Variants in LPXN observed in about 807,000 individuals in gnomAD.
LPXN encodes the protein leupaxin.
Under a neutral mutation model 45.6 loss-of-function variants are expected in LPXN, and 28 were observed. That is an observed-to-expected ratio of 0.61 (90% CI 0.45 to 0.84). LPXN has a LOEUF of 0.84. LPXN is among the 40% of genes least tolerant of loss of function. LPXN has a pLI of 0.00. For missense variants in LPXN, 459 were observed against 475.0 expected (o/e 0.97, Z 0.31); for synonymous variants, 166 against 169.9 (o/e 0.98, Z 0.18).
intron 3 of LPXN, among the ~76,000 whole-genome samples, chr11:58,561,185 TTCTG>T (rs1409007047): frequency 2.6e-5 from 4 of 152,194 alleles, no homozygotes; most frequent in African/African-American, 4.8e-5. Flanking sequence ...AAAGTAAATG[TTCTG>T]TCTTTCACTT....
chr11:58,527,138 C>A lies in LPXN; in HGVS notation c.*316G>T. The A allele has an allele frequency of 8.3e-6, 2 of 240,040 alleles. No individual in the cohort carries two copies. The highest frequency in any genetic ancestry group is 1.7e-5 in the Non-Finnish European group (2 of 120,974). The allele number at this position is 240,040 out of a possible 1,614,324, so 14.9% of individuals were successfully genotyped here. On this transcript the variant is annotated 3_prime_UTR_variant, in exon 9 of 9. Coordinates refer to ENST00000395074, the MANE Select transcript of LPXN (RefSeq NM_004811.3). ...TGAAAATGGAGAAACCTAAGAAAAC[C>A]AGTGTTGGCATGAATTATGCAAGTG...
intron 2 of LPXN, 50 bp downstream of exon 2, chr11:58,570,506 A>C (rs780154448): frequency 3.6e-6 from 5 of 1,394,638 alleles, no homozygotes; most frequent in Non-Finnish European, 4.9e-6. Flanking sequence ...TAATTTTCAG[A>C]AATGCACTCA....
intron 5 of LPXN, 41 bp downstream of exon 5, chr11:58,551,024 G>C (rs1291764265): frequency 6.7e-7 from 1 of 1,502,924 alleles, no homozygotes; most frequent in Non-Finnish European, 8.9e-7. Flanking sequence ...GACAGAGAGA[G>C]ACAAAGAAGG....
In LPXN at chr11:58,528,195, G is replaced by T; in HGVS notation, c.743-4C>A. The T allele has an allele frequency of 6.2e-7, 1 of 1,613,054 alleles. No individual in the cohort carries two copies. The highest frequency in any genetic ancestry group is 8.5e-7 in the Non-Finnish European group (1 of 1,179,168). On this transcript the variant is annotated splice_region_variant and splice_polypyrimidine_tract_variant and intron_variant, in intron 7 of 8. Coordinates refer to ENST00000395074, the MANE Select transcript of LPXN (RefSeq NM_004811.3). ...TTCTTGTCCTTCTCATGAAAGCCTG[G>T]AGAGATAAAATCAGGAATTCACTGT...
At chr11:58,578,232 C>A (rs1854969295), upstream of LPXN, 1 of 680,288 alleles carries the variant, frequency 1.5e-6, no homozygotes, top group Non-Finnish European at 2.3e-6. Flanking sequence ...CGGCACGCGT[C>A]GCGACCTAAC....
chr11:58,533,413 G>A (rs1033756421), intron 7 of LPXN, among the ~76,000 whole-genome samples: 2 of 152,136 alleles, frequency 1.3e-5, no homozygotes, highest in African/African-American at 4.8e-5. Context: ...TTCATATCCA[G>A]CCAAACTAAG....
intron 7 of LPXN, among the ~76,000 whole-genome samples, chr11:58,535,959 G>A (rs563738885): frequency 1.2e-4 from 18 of 152,314 alleles, no homozygotes; most frequent in African/African-American, 4.3e-4. Context: ...CAAGGGATGT[G>A]AAGGACCTAT....
At chr11:58,559,128 T>A (rs528149412) in intron 3 of LPXN, among the ~76,000 whole-genome samples, 1 of 152,172 alleles carries the variant, frequency 6.6e-6, no homozygotes, top group East Asian at 1.9e-4. Context: ...AATTTGCAAT[T>A]TAAAGCAATG....
At chr11:58,578,640 C>A (rs1328926246), upstream of LPXN, among the ~76,000 whole-genome samples, 1 of 152,142 alleles carries the variant, frequency 6.6e-6, no homozygotes, top group Non-Finnish European at 1.5e-5. Flanking sequence ...AGGGTGGAGG[C>A]GGAAGAACGC....
chr11:58,572,422 A>G (rs545962301), intron 1 of LPXN, among the ~76,000 whole-genome samples: 34 of 152,294 alleles, frequency 2.2e-4, no homozygotes, highest in Non-Finnish European at 3.5e-4. Context: ...TGTAATGGGA[A>G]AAAAGAGATG....
chr11:58,563,588 T>C (rs1483072289), intron 3 of LPXN, among the ~76,000 whole-genome samples: 1 of 152,266 alleles, frequency 6.6e-6, no homozygotes, highest in Non-Finnish European at 1.5e-5. Context: ...GTTAATCTTG[T>C]TATTTTTTCA....
intron 4 of LPXN, 31 bp from the exon 5 acceptor site, chr11:58,551,263 C>A: frequency 6.4e-7 from 1 of 1,558,674 alleles, no homozygotes; most frequent in Admixed American, 2.0e-5. Context: ...AGAACAGAAT[C>A]AGCCTCATTT....
rs188493963 is a variant in LPXN, at chr11:58,552,692, C to T, written c.319-1460G>A. ...ACCAATCAAAATGCTCATTTTGCTT[C>T]GAGACATTTTGATCATCTGACAGAC... is the stretch of plus-strand genomic sequence containing the variant. On this transcript the variant is annotated intron_variant, in intron 4 of 8. Coordinates refer to ENST00000395074, the MANE Select transcript of LPXN (RefSeq NM_004811.3). Among the ~76,000 whole-genome samples the T allele has an allele frequency of 2.8e-3, 422 of 152,272 alleles. 2 individuals carry two copies. The highest frequency in any genetic ancestry group is 2.8e-3 in the Non-Finnish European group (189 of 68,018).
intron 5 of LPXN, 86 bp from the exon 6 acceptor site, chr11:58,550,232 A>G: frequency 1.6e-6 from 2 of 1,253,548 alleles, no homozygotes; most frequent in South Asian, 2.5e-5. Context: ...AGCACTCTTC[A>G]CATTGTACCC....
intron 5 of LPXN, 79 bp from the exon 6 acceptor site, chr11:58,550,225 A>C (rs1450035918): frequency 6.7e-6 from 9 of 1,338,698 alleles, no homozygotes; most frequent in Non-Finnish European, 8.5e-6. Flanking sequence ...TCTAGGGAGC[A>C]CTCTTCACAT....
chr11:58,575,782 T>A lies in LPXN; in HGVS notation c.-10A>T. 1.2e-6 allele frequency: 2 copies of A among 1,614,214 alleles called. No individual in the cohort carries two copies. The highest frequency in any genetic ancestry group is 2.2e-5 in the South Asian group (2 of 91,084). On this transcript the variant is annotated 5_prime_UTR_variant, in exon 1 of 9. An upstream start codon of the reference 5' UTR is lost. Coordinates refer to ENST00000395074, the MANE Select transcript of LPXN (RefSeq NM_004811.3). ...CACCTAACTCTTCCATTGTCCTACA[T>A]CCAAGATGCTCTTGTCTCACAGGCC...
At chr11:58,566,456 T>C (rs189111646) in intron 2 of LPXN, among the ~76,000 whole-genome samples, 79 of 152,348 alleles carry the variant, frequency 5.2e-4, no homozygotes, top group Non-Finnish European at 9.3e-4. Flanking sequence ...AAGTTGTCTA[T>C]ATCTGTGATT....
chr11:58,536,662 A>G (rs950315210), intron 7 of LPXN, among the ~76,000 whole-genome samples: 6 of 152,242 alleles, frequency 3.9e-5, no homozygotes, highest in African/African-American at 1.4e-4. Flanking sequence ...GACAAATGGG[A>G]TCTAATTAAA....
intron 1 of LPXN, among the ~76,000 whole-genome samples, chr11:58,570,982 T>C (rs1194682136): frequency 6.6e-6 from 1 of 152,216 alleles, no homozygotes; most frequent in African/African-American, 2.4e-5. Context: ...TGATTTTTTA[T>C]ACCACAGGTA....
Sources: gnomAD v4.1 joint callset for allele counts (sites outside exome capture counted in the v4.1 genomes callset) on GRCh38, gnomAD v4.1.1 for gene constraint, MANE v1.5 for transcripts, NCBI Gene and HGNC (gene_info 2026-07-23, HGNC 2026-07-21) for gene names.